The following RAB38 variants were observed in gnomAD, a reference collection of about 807,000 sequenced individuals.
RAB38 encodes RAB38, member RAS oncogene family, also known as ras-related protein Rab-38.
RAB38 carries 15 observed loss-of-function variants against 18.4 expected under a neutral mutation model. The ratio of observed to expected loss-of-function variants is 0.82; its 90% confidence interval spans 0.55 to 1.26. The LOEUF (loss-of-function observed/expected upper bound fraction) is 1.26, where lower values mean the gene tolerates loss of function less well. Among genes scored for constraint, RAB38 ranks in the 50% most tolerant of loss-of-function variants. The pLI, the probability that RAB38 is intolerant of heterozygous loss-of-function variation, is 0.00. For synonymous variants in RAB38, 101 were observed against 104.4 expected, an observed-to-expected ratio of 0.97 and a Z score of 0.20; for missense variants, 294 against 267.4, an observed-to-expected ratio of 1.10 and a Z score of -0.69.
chr11:87,896,737 T>C, the RAB38 span, among the ~76,000 whole-genome samples: 6 of 151,748 alleles, frequency 4.0e-5, no homozygotes, highest in African/African-American at 1.4e-4. Context: ...TTACTAATCG[T>C]ATTGACCCTC....
the RAB38 span, among the ~76,000 whole-genome samples, chr11:87,889,954 T>C: frequency 6.6e-6 from 1 of 151,840 alleles, no homozygotes; most frequent in Non-Finnish European, 1.5e-5. Flanking sequence ...GTTGATGATA[T>C]TAACAGTATA....
At chr11:88,045,504 G>A in the RAB38 span, among the ~76,000 whole-genome samples, 25 of 152,284 alleles carry the variant, frequency 1.6e-4, no homozygotes, top group African/African-American at 4.8e-4. Context: ...AGGAATGCCC[G>A]CAGCCCGGGA....
the RAB38 span, among the ~76,000 whole-genome samples, chr11:87,845,578 G>A: frequency 6.6e-6 from 1 of 152,018 alleles, no homozygotes. Context: ...ATGTGTATCT[G>A]AAGCTCCAAA....
chr11:88,165,803 T>C (rs1262493862), intron 1 of RAB38: 1 of 152,168 alleles, frequency 6.6e-6, no homozygotes, highest in Non-Finnish European at 1.5e-5. Context: ...ACTTCTTTGC[T>C]GACTCTACAG....
chr11:88,040,890 G>C, the RAB38 span, among the ~76,000 whole-genome samples: 1 of 152,156 alleles, frequency 6.6e-6, no homozygotes, highest in African/African-American at 2.4e-5. Flanking sequence ...ATGTTAAAAA[G>C]ATACAGCCCC....
the RAB38 span, among the ~76,000 whole-genome samples, chr11:88,057,240 G>A: frequency 6.6e-6 from 1 of 152,176 alleles, no homozygotes; most frequent in African/African-American, 2.4e-5. Context: ...AAAGGACACA[G>A]GCATTCAACC....
chr11:87,893,371 C>CATATATATATATGT, the RAB38 span, among the ~76,000 whole-genome samples: 11 of 86,418 alleles, frequency 1.3e-4, no homozygotes, highest in African/African-American at 4.7e-4. Flanking sequence ...ATATATTTTA[C>CATATATATATATGT]ATATATATAT....
the RAB38 span, among the ~76,000 whole-genome samples, chr11:87,934,575 G>A: frequency 5.3e-5 from 8 of 152,110 alleles, no homozygotes; most frequent in South Asian, 2.1e-4. Context: ...CAGTACTCTC[G>A]TGCAATGCTA....
the RAB38 span, among the ~76,000 whole-genome samples, chr11:88,091,670 T>C: frequency 6.6e-6 from 1 of 151,974 alleles, no homozygotes; most frequent in Non-Finnish European, 1.5e-5. Context: ...TCATATGCTA[T>C]CTTCATTCCT....
At chr11:88,119,228 TA>T (rs1184489051) in intron 2 of RAB38, among the ~76,000 whole-genome samples, 1 of 151,430 alleles carries the variant, frequency 6.6e-6, no homozygotes, top group African/African-American at 2.4e-5. Flanking sequence ...GCATGAGCAT[TA>T]AAAAAAAATT....
chr11:87,813,360 A>G, the RAB38 span, among the ~76,000 whole-genome samples: 1 of 152,194 alleles, frequency 6.6e-6, no homozygotes, highest in East Asian at 1.9e-4. Context: ...GGCATGTTCA[A>G]GGTTAAGATT....
the RAB38 span, among the ~76,000 whole-genome samples, chr11:87,929,365 T>C: frequency 1.3e-5 from 2 of 151,918 alleles, no homozygotes; most frequent in Non-Finnish European, 2.9e-5. Context: ...CTTTTTTTTT[T>C]CCAGCCCAAT....
the RAB38 span, among the ~76,000 whole-genome samples, chr11:88,107,805 T>G: frequency 6.6e-6 from 1 of 152,304 alleles, no homozygotes; most frequent in Non-Finnish European, 1.5e-5. Flanking sequence ...TCCCAGAGAT[T>G]CTGGTCTATT....
the RAB38 span, among the ~76,000 whole-genome samples, chr11:88,014,530 TAGAAGAC>T: frequency 1.3e-5 from 2 of 152,158 alleles, no homozygotes; most frequent in Admixed American, 6.6e-5. Flanking sequence ...GAGTTGAGAT[TAGAAGAC>T]AGATCTATCC....
At chr11:88,091,778 T>C in the RAB38 span, among the ~76,000 whole-genome samples, 1 of 151,944 alleles carries the variant, frequency 6.6e-6, no homozygotes, top group East Asian at 1.9e-4. Context: ...AAGTGAGAGC[T>C]GGTAGTGTTA....
At chr11:88,154,677 G>C (rs184376687) in intron 1 of RAB38, among the ~76,000 whole-genome samples, 292 of 152,282 alleles carry the variant, frequency 1.9e-3, no homozygotes, top group Middle Eastern at 6.8e-3. Flanking sequence ...AGATATCCAG[G>C]CATTCAGACG....
the RAB38 span, among the ~76,000 whole-genome samples, chr11:88,047,247 C>T: frequency 1.1e-4 from 16 of 152,156 alleles, no homozygotes; most frequent in South Asian, 2.1e-4. Flanking sequence ...GACTTCAATC[C>T]GGCCTCCCAC....
chr11:87,922,846 G>A, the RAB38 span, among the ~76,000 whole-genome samples: 5,552 of 150,952 alleles, frequency 0.037, 147 homozygotes, highest in Non-Finnish European at 0.059. Flanking sequence ...AAAAGACAGC[G>A]GAAACAGAGA....
chr11:87,895,048 GT>G, the RAB38 span, among the ~76,000 whole-genome samples: 1 of 151,566 alleles, frequency 6.6e-6, no homozygotes, highest in Non-Finnish European at 1.5e-5. Context: ...ATTTTGTAGG[GT>G]TGATGGAGTT....
Sources: gnomAD v4.1 joint callset for allele counts (sites outside exome capture counted in the v4.1 genomes callset) on GRCh38, gnomAD v4.1.1 for gene constraint, MANE v1.5 for transcripts, NCBI Gene and HGNC (gene_info 2026-07-23, HGNC 2026-07-21) for gene names.